EYS: variants seen among roughly 807,000 people sequenced by gnomAD.
The protein encoded by EYS is protein eyes shut homolog.
In EYS, 250 loss-of-function variants were observed where a neutral mutation model predicts 282.1. The observed-to-expected ratio is 0.89, with a 90% CI of 0.80 to 0.98. The LOEUF (loss-of-function observed/expected upper bound fraction) is 0.98. EYS is among the 50% of genes least tolerant of loss of function. EYS has a pLI of 0.00. For synonymous variants in EYS, 1,355 were observed against 1,282.9 expected (o/e 1.06, Z -1.20); for missense variants, 4,016 against 3,709.0 (o/e 1.08, Z -2.15).
chr6:64,315,804 T>C (rs939475517), intron 29 of EYS, among the ~76,000 whole-genome samples: 1 of 151,272 alleles, frequency 6.6e-6, no homozygotes, highest in South Asian at 2.1e-4. Context: ...TGAACATCGA[T>C]GAGAAAACCC....
chr6:64,076,455 G>T (rs757979937), intron 32 of EYS, among the ~76,000 whole-genome samples: 1 of 151,866 alleles, frequency 6.6e-6, no homozygotes, highest in Non-Finnish European at 1.5e-5. Context: ...ACCCAAATTT[G>T]ATCTTGAATT....
chr6:64,537,010 T>G (rs933239671), intron 26 of EYS, among the ~76,000 whole-genome samples: 5 of 142,898 alleles, frequency 3.5e-5, no homozygotes, highest in African/African-American at 8.5e-5. Context: ...ATTTATTTTG[T>G]TTTTTTTTTA....
chr6:64,658,013 T>A (rs1187600671), intron 22 of EYS, among the ~76,000 whole-genome samples: 1 of 152,218 alleles, frequency 6.6e-6, no homozygotes, highest in African/African-American at 2.4e-5. Flanking sequence ...AGATTTGGTC[T>A]TTTCACATAG....
At chr6:64,476,248 T>C (rs1054691296) in intron 26 of EYS, among the ~76,000 whole-genome samples, 1 of 152,208 alleles carries the variant, frequency 6.6e-6, no homozygotes, top group Non-Finnish European at 1.5e-5. Flanking sequence ...TGTAGTTAAC[T>C]ATTCGCATGT....
At chr6:64,929,940 G>C (rs1768653202) in intron 15 of EYS, among the ~76,000 whole-genome samples, 1 of 152,004 alleles carries the variant, frequency 6.6e-6, no homozygotes, top group Non-Finnish European at 1.5e-5. Context: ...CTAAGTTTTT[G>C]TTCTTTCATA....
intron 28 of EYS, among the ~76,000 whole-genome samples, chr6:64,406,540 AG>A (rs1439819540): frequency 1.3e-5 from 2 of 152,196 alleles, no homozygotes; most frequent in Non-Finnish European, 2.9e-5. Context: ...ACAGAATGGG[AG>A]AAAATTTTTG....
chr6:64,752,859 C>T (rs1293287331), intron 22 of EYS, among the ~76,000 whole-genome samples: 1 of 152,074 alleles, frequency 6.6e-6, no homozygotes, highest in Non-Finnish European at 1.5e-5. Context: ...AGAACAGCTG[C>T]ATACTCACAA....
rs544490628 is a variant in EYS at position 64,241,623 on chromosome 6, A to G, written c.6192-10799T>C. Among the ~76,000 whole-genome samples the G allele has an allele frequency of 8.0e-4, 122 of 151,668 alleles. 3 individuals are homozygous for G. In the East Asian group the frequency reaches 0.022, roughly 27 times the overall value. ...TATTTTGTTGATCTTTTCAAAAAAA[A>G]CAGCTCCTGGATTCATTGATTTTTT... is the stretch of plus-strand genomic sequence containing the variant. On this transcript the variant is annotated intron_variant, in intron 30 of 42. Coordinates refer to ENST00000503581, the MANE Select transcript of EYS (RefSeq NM_001142800.2).
chr6:65,009,885 A>C (rs1472282516), intron 13 of EYS, among the ~76,000 whole-genome samples: 3 of 152,202 alleles, frequency 2.0e-5, no homozygotes, highest in Non-Finnish European at 2.9e-5. Flanking sequence ...TCCTCATCCC[A>C]AAACCCTAAA....
chr6:65,270,838 T>C (rs1054284256), intron 12 of EYS, among the ~76,000 whole-genome samples: 1 of 151,954 alleles, frequency 6.6e-6, no homozygotes, highest in Non-Finnish European at 1.5e-5. Context: ...CGTTTTCACC[T>C]GAGACCATAA....
At chr6:63,812,523 T>C (rs1275701660) in intron 36 of EYS, among the ~76,000 whole-genome samples, 1 of 152,216 alleles carries the variant, frequency 6.6e-6, no homozygotes, top group Non-Finnish European at 1.5e-5. Context: ...CTTTTTATTA[T>C]TTTTTCTCCC....
chr6:65,423,543 A>C (rs956273416), intron 5 of EYS, among the ~76,000 whole-genome samples: 5 of 151,878 alleles, frequency 3.3e-5, no homozygotes, highest in African/African-American at 1.2e-4. Flanking sequence ...AGGTATCATA[A>C]ATTGAGAATT....
chr6:64,597,629 T>G (rs1300716207), intron 24 of EYS, among the ~76,000 whole-genome samples: 3 of 151,854 alleles, frequency 2.0e-5, no homozygotes, highest in Non-Finnish European at 4.4e-5. Context: ...TACCCACATG[T>G]TCTCAGTTAC....
chr6:63,924,909 T>G (rs321484), intron 35 of EYS, among the ~76,000 whole-genome samples: 151,911 of 152,318 alleles, frequency 1, 75,754 homozygotes, highest in Middle Eastern at 1. Flanking sequence ...GTTGGTGAAT[T>G]CTGCCACTGA....
intron 31 of EYS, among the ~76,000 whole-genome samples, chr6:64,161,136 T>G (rs757857352): frequency 6.6e-6 from 1 of 152,202 alleles, no homozygotes; most frequent in South Asian, 2.1e-4. Flanking sequence ...CCATCCCTTA[T>G]AGAAAAACTG....
intron 14 of EYS, among the ~76,000 whole-genome samples, chr6:64,958,752 A>AAG (rs1769811054): frequency 6.6e-6 from 1 of 150,652 alleles, no homozygotes. Context: ...AAAAAAAAAA[A>AAG]AAAAAAAAAA....
intron 29 of EYS, among the ~76,000 whole-genome samples, chr6:64,320,706 G>A (rs1050213578): frequency 5.1e-5 from 7 of 138,284 alleles, no homozygotes; most frequent in Non-Finnish European, 9.5e-5. Context: ...TATCCTATTG[G>A]CCACAGTTTC....
chr6:64,970,444 C>T (rs1770251307), intron 14 of EYS, among the ~76,000 whole-genome samples: 2 of 152,110 alleles, frequency 1.3e-5, no homozygotes. Context: ...GTACTCTGCT[C>T]ACCTTGGCCT....
intron 36 of EYS, among the ~76,000 whole-genome samples, chr6:63,847,262 C>T (rs1393191831): frequency 6.6e-6 from 1 of 152,186 alleles, no homozygotes; most frequent in Admixed American, 6.5e-5. Context: ...GAACACTCAA[C>T]ATTGTGGGAA....
Sources: gnomAD v4.1 joint callset for allele counts (sites outside exome capture counted in the v4.1 genomes callset) on GRCh38, gnomAD v4.1.1 for gene constraint, MANE v1.5 for transcripts, NCBI Gene and HGNC (gene_info 2026-07-23, HGNC 2026-07-21) for gene names.